AFF4: variants seen among roughly 807,000 people sequenced by gnomAD.
AFF4 encodes the protein AF4/FMR2 family member 4.
A neutral mutation model predicts 124.8 loss-of-function variants in AFF4; 13 were observed. The ratio of observed to expected loss-of-function variants is 0.10; its 90% CI spans 0.07 to 0.17. AFF4 has a LOEUF of 0.17. Among genes scored for constraint, AFF4 ranks in the 10% least tolerant of loss-of-function variants. The pLI is 1.00. For synonymous variants in AFF4, 477 were observed against 496.1 expected (o/e 0.96, Z 0.51); for missense variants, 1,092 against 1,403.8 (o/e 0.78, Z 3.55).
At chr5:132,909,336 G>A (rs1279311439) in intron 5 of AFF4, among the ~76,000 whole-genome samples, 1 of 151,858 alleles carries the variant, frequency 6.6e-6, no homozygotes, top group African/African-American at 2.4e-5. Flanking sequence ...GTAGAGATGG[G>A]GCCGCCATGG....
intron 5 of AFF4, among the ~76,000 whole-genome samples, chr5:132,916,238 CAAAAAAAAAAAAAAAAA>C (rs70974061): frequency 2.0e-5 from 1 of 50,686 alleles, no homozygotes; most frequent in African/African-American, 8.9e-5. Flanking sequence ...GATGCTGTCT[CAAAAAAAAAAAAAAAAA>C]AAAAAAAAAA....
At chr5:132,895,695 T>G (rs1017315335) in intron 11 of AFF4, among the ~76,000 whole-genome samples, 15 of 152,374 alleles carry the variant, frequency 9.8e-5, no homozygotes, top group African/African-American at 3.6e-4. Flanking sequence ...ATCTCTTCAT[T>G]GTACGATTAT....
intron 1 of AFF4, among the ~76,000 whole-genome samples, chr5:132,947,412 A>C (rs949859357): frequency 2.0e-5 from 3 of 152,216 alleles, no homozygotes; most frequent in African/African-American, 7.2e-5. Context: ...CGAAAACAAA[A>C]AATTAAAACT....
In AFF4 at chr5:132,887,540, T is replaced by C; in HGVS notation, c.2986A>G (p.Lys996Glu). 1 of 1,614,046 alleles carries C rather than the reference T, an allele frequency of 6.2e-7. No homozygotes were observed. ...ACTCACCAAAGTACTGTGAGTCGTT[T>C]ATCTGCAGCTGTAGCATCTGGTGCC... ...YLAPDATAAD[K>E]RLTVLCLRCE... Residue 996 changes from lysine to glutamate, a missense_variant, in exon 17 of 21, where the codon AAA (lysine) becomes GAA (glutamate). Physicochemically the swap from Lys to Glu is moderately conservative, Grantham distance 56. Around this residue, in one of 11 missense-constraint regions of AFF4, gnomAD observed 173 missense variants for 294.9 expected, o/e 0.59. Coordinates refer to ENST00000265343, the MANE Select transcript of AFF4 (RefSeq NM_014423.4).
chr5:132,931,048 A>G (rs1310836652), intron 4 of AFF4, among the ~76,000 whole-genome samples: 2 of 149,956 alleles, frequency 1.3e-5, no homozygotes, highest in African/African-American at 4.9e-5. Flanking sequence ...CGGAGGTTGC[A>G]GTGAGCTGAG....
At chr5:132,893,226 T>C in intron 11 of AFF4, 108 bp from the exon 12 acceptor site, 2 of 898,230 alleles carry the variant, frequency 2.2e-6, no homozygotes, top group South Asian at 1.4e-5. Flanking sequence ...AGAAAGAAGA[T>C]AAAAGAGAAG....
intron 5 of AFF4, among the ~76,000 whole-genome samples, chr5:132,906,742 C>T (rs749086841): frequency 6.6e-6 from 1 of 152,132 alleles, no homozygotes; most frequent in Non-Finnish European, 1.5e-5. Context: ...CATCTCAGTA[C>T]TGCTGTTAAA....
rs772721392 is a variant in AFF4, at chr5:132,883,462, G to A, written c.3242C>T (p.Ser1081Phe). The A allele has an allele frequency of 1.9e-6, 3 of 1,614,052 alleles. No homozygotes were observed. The change falls in exon 20 of 21, where the codon TCT becomes TTT. Residue 1081 changes from serine (S) to phenylalanine (F), a missense_variant. This residue lies in a region of AFF4 where 173 missense variants were observed against 294.9 expected (regional missense o/e 0.59). Coordinates refer to ENST00000265343, the MANE Select transcript of AFF4 (RefSeq NM_014423.4). ...SGASSASASG[S>F]SVTIPQKIHQ... The stretch of plus-strand genomic sequence containing the variant: ...GATCTTCTGTGGAATGGTCACTGAA[G>A]AACCACTTGCAGAAGCACTACTGGC...
chr5:132,948,622 C>T (rs551898726), intron 1 of AFF4: 1 of 166,232 alleles, frequency 6.0e-6, no homozygotes, highest in Non-Finnish European at 1.3e-5. Flanking sequence ...TTGCCACTCT[C>T]TTTTGGCTGA....
chr5:132,922,778 C>CAAAAAA (rs554387527), intron 5 of AFF4, among the ~76,000 whole-genome samples: 1 of 56,760 alleles, frequency 1.8e-5, no homozygotes, highest in South Asian at 5.9e-4. Context: ...GACTCCATCT[C>CAAAAAA]AAAAAAAAAA....
rs140972959 is a variant in AFF4, at chr5:132,950,214, G to A, written c.-4-13021C>T. 2.2e-4 allele frequency among the ~76,000 whole-genome samples: 34 copies of A among 152,232 alleles called. 2 individuals are homozygous for A. In the South Asian group the frequency reaches 2.7e-3, roughly 12 times the overall value. ...TGCCTGGCCGGGCGCGATGGCTCACGCCTGTAATTCCAGCACCTTGGGAGG... is the reference window on the plus strand; with the variant it reads ...TGCCTGGCCGGGCGCGATGGCTCACACCTGTAATTCCAGCACCTTGGGAGG... On this transcript the variant is annotated intron_variant, in intron 1 of 20. Coordinates refer to ENST00000265343, the MANE Select transcript of AFF4 (RefSeq NM_014423.4).
intron 1 of AFF4, among the ~76,000 whole-genome samples, chr5:132,958,674 C>CA (rs1484373317): frequency 6.6e-6 from 1 of 151,970 alleles, no homozygotes; most frequent in East Asian, 1.9e-4. Context: ...GAAGCAACTG[C>CA]AAAAAGGTAA....
At chr5:132,898,492 T>TGC in intron 9 of AFF4, 100 bp from the exon 10 acceptor site, 1 of 645,970 alleles carries the variant, frequency 1.5e-6, no homozygotes, top group Non-Finnish European at 2.1e-6. Flanking sequence ...CTTCTTGTCT[T>TGC]TTTTTTTTTT....
intron 5 of AFF4, among the ~76,000 whole-genome samples, chr5:132,907,146 T>C (rs1760690108): frequency 1.3e-5 from 2 of 152,170 alleles, no homozygotes; most frequent in Admixed American, 1.3e-4. Flanking sequence ...CGAGACCATC[T>C]GAACCGGAAA....
chr5:132,942,754 C>T (rs1329114095), intron 1 of AFF4, among the ~76,000 whole-genome samples: 2 of 152,214 alleles, frequency 1.3e-5, no homozygotes, highest in African/African-American at 4.8e-5. Flanking sequence ...TAAGCCATTG[C>T]ACCCGGCCCA....
At chr5:132,892,122 A>C in intron 13 of AFF4, 42 bp downstream of exon 13, 1 of 1,614,008 alleles carries the variant, frequency 6.2e-7, no homozygotes, top group Non-Finnish European at 8.5e-7. Flanking sequence ...TCACATGGCA[A>C]GTTGAATGAT....
intron 18 of AFF4, among the ~76,000 whole-genome samples, chr5:132,885,379 G>A (rs1244395161): frequency 6.8e-6 from 1 of 147,636 alleles, no homozygotes; most frequent in Non-Finnish European, 1.5e-5. Flanking sequence ...TAAAGGGAAG[G>A]GGGATACATC....
intron 5 of AFF4, among the ~76,000 whole-genome samples, chr5:132,925,963 T>C (rs1412236804): frequency 2.0e-5 from 3 of 152,150 alleles, no homozygotes; most frequent in Admixed American, 6.6e-5. Flanking sequence ...GAAACATTTA[T>C]AGAAATGAAA....
chr5:132,914,691 C>G (rs1212807459), intron 5 of AFF4, among the ~76,000 whole-genome samples: 1 of 150,712 alleles, frequency 6.6e-6, no homozygotes, highest in East Asian at 1.9e-4. Context: ...ACAAAAACAA[C>G]AGAGAAAGAA....
Sources: allele counts gnomAD v4.1 joint callset (sites outside exome capture counted in the v4.1 genomes callset), GRCh38; gene constraint gnomAD v4.1.1; regional missense constraint gnomAD v4.1.1; transcripts MANE v1.5; gene names NCBI Gene and HGNC (gene_info 2026-07-23, HGNC 2026-07-21).